TELO2: variants seen among roughly 807,000 people sequenced by gnomAD.
TELO2 encodes telomere maintenance 2.
In TELO2, 71 loss-of-function variants were observed where a neutral mutation model predicts 91.0. That is an observed-to-expected ratio of 0.78 (90% CI 0.64 to 0.95). The LOEUF (loss-of-function observed/expected upper bound fraction) is 0.95, where lower values mean the gene tolerates loss of function less well. Among genes scored for constraint, TELO2 ranks in the 40% least tolerant of loss-of-function variants. TELO2 has a pLI of 0.00. For missense variants in TELO2, 1,183 were observed against 1,141.3 expected (o/e 1.04, Z -0.53); for synonymous variants, 584 against 518.9 (o/e 1.13, Z -1.71).
chr16:1,506,934 C>G lies in TELO2; in HGVS notation c.2127-18C>G. 1.3e-6 allele frequency: 2 copies of G among 1,597,718 alleles called. No individual in the cohort carries two copies. The highest frequency in any genetic ancestry group is 8.5e-7 in the Non-Finnish European group (1 of 1,172,016). Reference sequence around the variant, plus strand: ...CCTGAGGCACCCGCTGCACCTTGGGCTCCATCCTGTGCTCTAGGCCTCTGG... The same window carrying G: ...CCTGAGGCACCCGCTGCACCTTGGGGTCCATCCTGTGCTCTAGGCCTCTGG... On this transcript the variant is annotated intron_variant, in intron 17 of 20. Transcript: ENST00000262319.
In TELO2 at chr16:1,500,409, G is replaced by A. The variant is rs759343790; in HGVS notation, c.1065G>A (p.Pro355=). ...SSSAIRHTPL[P]QQRHVSKAVL... ...GTGCCATCCGCCACACTCCCCTGCC[G>A]CAGCAGCGCCACGTCAGCAAGGCTG... is the stretch of plus-strand genomic sequence containing the variant. Residue 355 remains proline, a synonymous_variant, in exon 8 of 21, where the codon CCG becomes CCA. Transcript: ENST00000262319. 20 of 1,603,692 alleles carry A rather than the reference G, an allele frequency of 1.2e-5. No homozygotes were observed. Among genetic ancestry groups the A allele is most frequent in the East Asian group, 4.5e-5 (2 of 44,464 alleles).
chr16:1,505,309 GCGGGCCCC>G lies in TELO2; in HGVS notation c.1843-93_1843-86del. 1 of 1,378,710 alleles carries G rather than the reference GCGGGCCCC, an allele frequency of 7.3e-7. No homozygotes were observed. Among genetic ancestry groups the G allele is most frequent in the Non-Finnish European group, 9.8e-7 (1 of 1,019,698 alleles). The allele number at this position is 1,378,710 out of a possible 1,614,324, so 85.4% of individuals were successfully genotyped here. On this transcript the variant is annotated intron_variant, in intron 15 of 20. Coordinates refer to ENST00000262319, the MANE Select transcript of TELO2 (RefSeq NM_016111.4). This position sits in a 1 kb window ranked among gnomAD's most constrained non-coding sequence, Gnocchi z 4.3. ...CAGAACACACCTTCTCCCAGGCTGG[GCGGGCCCC>G]CGGGCCCGTTTCTGGGGCTTTGGCT... is the stretch of plus-strand genomic sequence containing the variant.
rs534487468 is a variant in TELO2 at position 1,509,820 on chromosome 16, C to T, written c.2408-10C>T. 35 of 1,607,916 alleles carry T rather than the reference C, an allele frequency of 2.2e-5. No homozygotes were observed. The highest frequency in any genetic ancestry group is 1.4e-4 in the South Asian group (13 of 90,088). On this transcript the variant is annotated splice_polypyrimidine_tract_variant and intron_variant, in intron 20 of 20. Transcript: ENST00000262319. ...CTGCCTCAGCTTTGCTTGTCACTCT[C>T]GTCTGGCAGACGTGGCTGAGAAAGA...
chr16:1,496,306 G>A (rs1351531594), intron 3 of TELO2, among the ~76,000 whole-genome samples: 1 of 152,236 alleles, frequency 6.6e-6, no homozygotes, highest in Non-Finnish European at 1.5e-5. Context: ...CCAGGAGGAA[G>A]CCGGGCCCCT....
Position 1,497,063 on chromosome 16 carries a change from TG to T in TELO2, c.642del (p.Ser215LeufsTer54). 6.2e-7 allele frequency: 1 copy of T among 1,614,076 alleles called. No individual in the cohort carries two copies. Among genetic ancestry groups the T allele is most frequent in the East Asian group, 2.2e-5 (1 of 44,876 alleles). ...QGGLDSSVSF[V>X]SQVLGKACVH... ...GGCCTGGATTCCTCCGTGTCCTTCG[TG>T]TCTCAGGTCCTTGGGAAAGCCTGTG... On this transcript the variant is annotated frameshift_variant, in exon 4 of 21. Coordinates refer to ENST00000262319, the MANE Select transcript of TELO2 (RefSeq NM_016111.4). LOFTEE classifies it high-confidence loss of function. The surrounding 1 kb of genome is among the most constrained non-coding windows in gnomAD (Gnocchi z 4.0).
intron 20 of TELO2, among the ~76,000 whole-genome samples, chr16:1,508,419 C>A: frequency 6.6e-6 from 1 of 152,248 alleles, no homozygotes; most frequent in East Asian, 1.9e-4. Context: ...GCGTGAGCCA[C>A]CGCGCCCGGC....
chr16:1,507,855 T>G (rs1177612311), intron 20 of TELO2, 139 bp downstream of exon 20: 1 of 23,438 alleles, frequency 4.3e-5, no homozygotes, highest in Non-Finnish European at 7.4e-5. Context: ...CCGGGGTGTG[T>G]GTGTGTGTGT....
chr16:1,509,869 TGGCAC>T lies in TELO2; in HGVS notation c.2448_2452del (p.Ala817GlufsTer38). 2.5e-6 allele frequency: 4 copies of T among 1,612,582 alleles called. No individual in the cohort carries two copies. The highest frequency in any genetic ancestry group is 2.5e-6 in the Non-Finnish European group (3 of 1,179,726). ...GACCCGGACGAGGACTGCAGGACGCTGGCACTGAGGGCCCTGCTGCTTCTGCAGAG... is the reference window on the plus strand; with the variant it reads ...GACCCGGACGAGGACTGCAGGACGCTTGAGGGCCCTGCTGCTTCTGCAGAG... On this transcript the variant is annotated frameshift_variant, in exon 21 of 21. Transcript: ENST00000262319. LOFTEE classifies it high-confidence loss of function.
At chr16:1,495,269 C>A in intron 2 of TELO2, 77 bp from the exon 3 acceptor site, 2 of 1,477,046 alleles carry the variant, frequency 1.4e-6, no homozygotes, top group Non-Finnish European at 9.0e-7. Context: ...GTAATCCGGG[C>A]TGCTGGTTCC....
Position 1,507,051 on chromosome 16 carries a change from G to C in TELO2, c.2226G>C (p.Thr742=). ...GALMCLAVNT[T]VAVAMGKALL... ...TGATGTGCCTGGCTGTTAACACCAC[G>C]GTGAGCCGGGAGAGGTCGCCGGGCG... is the stretch of plus-strand genomic sequence containing the variant. Residue 742 remains threonine, a splice_region_variant and synonymous_variant, in exon 18 of 21, where the codon ACG becomes ACC. Transcript: ENST00000262319. The C allele has an allele frequency of 6.2e-7, 1 of 1,605,046 alleles. No homozygotes were observed.
chr16:1,500,408 C>T lies in TELO2; in HGVS notation c.1064C>T (p.Pro355Leu), dbSNP rs147777945. The change falls in exon 8 of 21, where the codon CCG becomes CTG. Residue 355 changes from proline (P) to leucine (L), a missense_variant. Transcript: ENST00000262319. ...AGTGCCATCCGCCACACTCCCCTGC[C>T]GCAGCAGCGCCACGTCAGCAAGGCT... ...SSSAIRHTPL[P>L]QQRHVSKAVL... 0.016 allele frequency: 25,931 copies of T among 1,603,554 alleles called. 267 individuals are homozygous for T. Among genetic ancestry groups the T allele is most frequent in the Non-Finnish European group, 0.019 (22,566 of 1,176,478 alleles).
At position 1,501,430 on chromosome 16, in the gene TELO2, A is replaced by G; in HGVS notation, c.1292A>G (p.Asp431Gly). The change falls in exon 10 of 21, where the codon GAT (aspartate) becomes GGT (glycine). Residue 431 changes from aspartate to glycine, a missense_variant. Asp to Gly is a moderately conservative substitution (Grantham distance 94). Coordinates refer to ENST00000262319, the MANE Select transcript of TELO2 (RefSeq NM_016111.4). The part of the protein sequence containing the change: ...GPPLKFQYEE[D>G]ELSLELLALA... The stretch of plus-strand genomic sequence containing the variant: ...GCTCCCCTGCTGTAGTACGAAGAGG[A>G]TGAACTGAGCCTCGAGCTGCTGGCC... 1 of 1,612,300 alleles carries G rather than the reference A, an allele frequency of 6.2e-7. No homozygotes were observed. Among genetic ancestry groups the G allele is most frequent in the East Asian group, 2.2e-5 (1 of 44,846 alleles).
intron 5 of TELO2, among the ~76,000 whole-genome samples, chr16:1,498,266 C>T (rs905291092): frequency 9.2e-5 from 14 of 152,212 alleles, no homozygotes; most frequent in African/African-American, 2.2e-4. Flanking sequence ...CCACCCACCT[C>T]GGCTTCCCAA....
rs760273048 is a variant in TELO2 at position 1,502,116 on chromosome 16, C to T, written c.1542C>T (p.Tyr514=). 51 of 1,612,910 alleles carry T rather than the reference C, an allele frequency of 3.2e-5. No homozygotes were observed. Among genetic ancestry groups the T allele is most frequent in the African/African-American group, 5.3e-5 (4 of 74,950 alleles). The part of the protein sequence containing the change: ...RELKSSKAPA[Y]VRDCVEALTT... ...TGAAGAGCAGCAAGGCTCCTGCCTA[C>T]GTCCGGGACTGCGTGGAAGGTGGGC... is the stretch of plus-strand genomic sequence containing the variant. Residue 514 remains tyrosine (Y), a synonymous_variant, in exon 12 of 21, where the codon TAC becomes TAT. Coordinates refer to ENST00000262319, the MANE Select transcript of TELO2 (RefSeq NM_016111.4).
intron 20 of TELO2, among the ~76,000 whole-genome samples, chr16:1,508,750 A>G (rs879299908): frequency 1.5e-4 from 23 of 152,092 alleles, no homozygotes; most frequent in Non-Finnish European, 2.8e-4. Flanking sequence ...AGTGGAGCCA[A>G]CGAGTCCCCG....
chr16:1,497,163 T>C lies in TELO2; in HGVS notation c.682+59T>C. On this transcript the variant is annotated intron_variant, in intron 4 of 20. Transcript: ENST00000262319. This position sits in a 1 kb window ranked among gnomAD's most constrained non-coding sequence, Gnocchi z 4.0. The stretch of plus-strand genomic sequence containing the variant: ...CCCGACCCTCACAGCCCATCAGCCT[T>C]CTGCAGAAGGCCGAGAATCCCTCCT... 1.9e-6 allele frequency: 3 copies of C among 1,601,910 alleles called. No individual in the cohort carries two copies. Among genetic ancestry groups the C allele is most frequent in the Middle Eastern group, 1.8e-4 (1 of 5,710 alleles).
At position 1,502,741 on chromosome 16, in the gene TELO2, A is replaced by G. The variant is rs868332776; in HGVS notation, c.1750A>G (p.Thr584Ala). 6.2e-7 allele frequency: 1 copy of G among 1,612,260 alleles called. No homozygotes were observed. Among genetic ancestry groups the G allele is most frequent in the South Asian group, 1.1e-5 (1 of 91,084 alleles). ...GLRQRALVAVTVTDPAPVADY... is the reference protein window; with the variant it reads ...GLRQRALVAVAVTDPAPVADY... ...GCGCCAGAGAGCCCTGGTGGCCGTC[A>G]CGGTCACAGACCCGGCCCCGGTGAG... The change falls in exon 14 of 21, where the codon ACG (threonine) becomes GCG (alanine). Residue 584 changes from threonine (T) to alanine (A), a missense_variant. Thr to Ala is a moderately conservative substitution (Grantham distance 58, BLOSUM62 0). Coordinates refer to ENST00000262319, the MANE Select transcript of TELO2 (RefSeq NM_016111.4).
intron 6 of TELO2, among the ~76,000 whole-genome samples, chr16:1,499,861 C>T (rs574081314): frequency 2.6e-4 from 39 of 152,328 alleles, no homozygotes; most frequent in East Asian, 1.2e-3. Context: ...TATATGGAAC[C>T]GTTTTATCAC....
intron 6 of TELO2, 99 bp downstream of exon 6, chr16:1,499,432 C>A: frequency 7.4e-7 from 1 of 1,358,244 alleles, no homozygotes; most frequent in Non-Finnish European, 1.0e-6. Context: ...CCTGGGAGAC[C>A]CTGCCTGTGA....
Sources: allele counts gnomAD v4.1 joint callset (sites outside exome capture counted in the v4.1 genomes callset), GRCh38; gene constraint gnomAD v4.1.1; non-coding constraint Gnocchi (gnomAD v3.1); transcripts MANE v1.5; gene names NCBI Gene and HGNC (gene_info 2026-07-23, HGNC 2026-07-21).